The following CLMN variants were observed in gnomAD, a reference collection of about 807,000 sequenced individuals.
The protein encoded by CLMN is calmin (calponin-like, transmembrane).
A neutral mutation model predicts 92.7 loss-of-function variants in CLMN; 57 were observed. The ratio of observed to expected loss-of-function variants is 0.61; its 90% CI spans 0.50 to 0.77. CLMN has a LOEUF of 0.77. Among genes scored for constraint, CLMN ranks in the 30% least tolerant of loss-of-function variants. The probability of loss-of-function intolerance (pLI) is 0.00; values close to 1 mark genes in which losing one functional copy is unlikely to be tolerated. For synonymous variants in CLMN, 466 were observed against 470.6 expected (o/e 0.99, Z 0.13); for missense variants, 1,158 against 1,237.5 (o/e 0.94, Z 0.96).
chr14:95,211,148 A>G (rs1346354718), intron 6 of CLMN, among the ~76,000 whole-genome samples: 1 of 152,260 alleles, frequency 6.6e-6, no homozygotes, highest in Non-Finnish European at 1.5e-5. Context: ...ATAAAGGACC[A>G]ACTGTATAGA....
chr14:95,312,726 G>A (rs1015297753), intron 1 of CLMN, among the ~76,000 whole-genome samples: 4 of 152,190 alleles, frequency 2.6e-5, no homozygotes, highest in African/African-American at 4.8e-5. Flanking sequence ...AGAATCAGAC[G>A]TGGGATAACA....
chr14:95,232,081 CTCCAT>C (rs1350367098), intron 1 of CLMN, among the ~76,000 whole-genome samples: 2 of 152,242 alleles, frequency 1.3e-5, no homozygotes, highest in Non-Finnish European at 2.9e-5. Context: ...CCAGGTGGAA[CTCCAT>C]TCTGTGCTTT....
intron 1 of CLMN, among the ~76,000 whole-genome samples, chr14:95,318,384 C>T (rs577457681): frequency 6.6e-6 from 1 of 152,148 alleles, no homozygotes; most frequent in Non-Finnish European, 1.5e-5. Context: ...CAGAGCGGCC[C>T]AGAGCAAACT....
intron 1 of CLMN, among the ~76,000 whole-genome samples, chr14:95,277,715 C>T (rs1254282364): frequency 6.6e-6 from 1 of 152,228 alleles, no homozygotes; most frequent in Non-Finnish European, 1.5e-5. Context: ...GCAACCTCTG[C>T]CTCCCAGGTT....
At chr14:95,308,449 C>A (rs2085296008) in intron 1 of CLMN, among the ~76,000 whole-genome samples, 1 of 152,174 alleles carries the variant, frequency 6.6e-6, no homozygotes, top group African/African-American at 2.4e-5. Context: ...ATCTTACTAC[C>A]CAGCCCCTGA....
At chr14:95,211,645 C>T (rs918380432) in intron 6 of CLMN, among the ~76,000 whole-genome samples, 2 of 133,696 alleles carry the variant, frequency 1.5e-5, no homozygotes, top group Non-Finnish European at 3.1e-5. Context: ...TCAATAAACG[C>T]TCTTAAAAAA....
At chr14:95,261,006 T>C (rs903240442) in intron 1 of CLMN, among the ~76,000 whole-genome samples, 2 of 152,024 alleles carry the variant, frequency 1.3e-5, no homozygotes, top group African/African-American at 4.8e-5. Context: ...GGAGACTTTA[T>C]TGAATATGCA....
chr14:95,277,397 T>C (rs1899974430), intron 1 of CLMN, among the ~76,000 whole-genome samples: 1 of 152,244 alleles, frequency 6.6e-6, no homozygotes, highest in Non-Finnish European at 1.5e-5. Flanking sequence ...TTTTATGTCC[T>C]TGGGAGCTTG....
chr14:95,189,497 T>C lies in CLMN; in HGVS notation c.*2067A>G, dbSNP rs528137716. On this transcript the variant is annotated 3_prime_UTR_variant, in exon 13 of 13. Coordinates refer to ENST00000298912, the MANE Select transcript of CLMN (RefSeq NM_024734.4). ...GCAAAATATCAGTTGACTGCCAACC[T>C]GAACCAAATGACTTTCAGGCATCTT... 2.0e-5 allele frequency: 3 copies of C among 152,212 alleles called. No individual in the cohort carries two copies. Among genetic ancestry groups the C allele is most frequent in the Admixed American group, 6.5e-5 (1 of 15,288 alleles). The allele number at this position is 152,212 out of a possible 1,614,324, so 9.4% of individuals were successfully genotyped here.
intron 1 of CLMN, among the ~76,000 whole-genome samples, chr14:95,300,380 AGACC>A (rs1239019468): frequency 6.6e-6 from 1 of 152,224 alleles, no homozygotes; most frequent in Non-Finnish European, 1.5e-5. Context: ...AGCAAATCAC[AGACC>A]TTTTGGACTC....
Position 95,199,717 on chromosome 14 carries a change from C to T in CLMN, c.2512-3023G>A, listed in dbSNP as rs981326750. On this transcript the variant is annotated intron_variant, in intron 9 of 12. Transcript: ENST00000298912. ...ATCAGCTATAGGGAGGGAGCAATGG[C>T]TCTGCCTGGGGAGGAGGTCGGAGGG... 2.6e-5 allele frequency among the ~76,000 whole-genome samples: 4 copies of T among 152,194 alleles called. 1 individual carries two copies. The highest frequency in any genetic ancestry group is 2.6e-4 in the Admixed American group (4 of 15,288).
chr14:95,311,381 G>A (rs560276267), intron 1 of CLMN, among the ~76,000 whole-genome samples: 2 of 152,150 alleles, frequency 1.3e-5, no homozygotes, highest in African/African-American at 2.4e-5. Flanking sequence ...GGGGTGGGGC[G>A]TGCCTCCACC....
chr14:95,204,257 C>T lies in CLMN; in HGVS notation c.1092G>A (p.Leu364=). ...ACAGCGCATGGCTGGAAACACCATC[C>T]AGGCGGAATTCCTTCATGCTCTCGG... The part of the protein sequence containing the change: ...DKPESMKEFR[L]DGVSSHALSD... The change falls in exon 9 of 13, where the codon CTG becomes CTA. Residue 364 remains leucine (L), a synonymous_variant. Transcript: ENST00000298912. The T allele has an allele frequency of 6.2e-7, 1 of 1,614,080 alleles. No homozygotes were observed. Among genetic ancestry groups the T allele is most frequent in the East Asian group, 2.2e-5 (1 of 44,886 alleles).
chr14:95,273,092 T>C (rs960258015), intron 1 of CLMN, among the ~76,000 whole-genome samples: 10 of 152,230 alleles, frequency 6.6e-5, no homozygotes, highest in African/African-American at 1.4e-4. Context: ...TAGCATGCTC[T>C]AAAGGGCTGA....
At chr14:95,209,848 G>A (rs1316574582) in intron 7 of CLMN, among the ~76,000 whole-genome samples, 1 of 152,180 alleles carries the variant, frequency 6.6e-6, no homozygotes, top group Non-Finnish European at 1.5e-5. Flanking sequence ...CCACGTGGAA[G>A]GCAACTTCAC....
intron 1 of CLMN, among the ~76,000 whole-genome samples, chr14:95,293,194 TC>T (rs112998151): frequency 0.017 from 1,335 of 80,646 alleles, 64 homozygotes; most frequent in African/African-American, 0.067. Context: ...CCTCCTTCTT[TC>T]CCCCCCTTCC....
chr14:95,316,657 GGCCAAGAT>G (rs1415076798), intron 1 of CLMN, among the ~76,000 whole-genome samples: 17 of 152,214 alleles, frequency 1.1e-4, no homozygotes. Context: ...AGTGAGCAGA[GGCCAAGAT>G]ACTTCTAAGT....
At chr14:95,243,227 A>AT (rs1446410028) in intron 1 of CLMN, among the ~76,000 whole-genome samples, 2 of 152,158 alleles carry the variant, frequency 1.3e-5, no homozygotes, top group African/African-American at 2.4e-5. Flanking sequence ...AACTTTTAAG[A>AT]TTTTAAGATC....
intron 1 of CLMN, among the ~76,000 whole-genome samples, chr14:95,232,654 G>A (rs1158914905): frequency 6.6e-6 from 1 of 152,196 alleles, no homozygotes; most frequent in African/African-American, 2.4e-5. Context: ...AGAGGGAAGG[G>A]AGAAGGAAAA....
Sources: allele counts gnomAD v4.1 joint callset (sites outside exome capture counted in the v4.1 genomes callset), GRCh38; gene constraint gnomAD v4.1.1; transcripts MANE v1.5; gene names NCBI Gene and HGNC (gene_info 2026-07-23, HGNC 2026-07-21).